The following FNTB variants were observed in gnomAD, a reference collection of about 807,000 sequenced individuals.
The protein encoded by FNTB is protein farnesyltransferase subunit beta.
Under a neutral mutation model 59.4 loss-of-function variants are expected in FNTB, and 27 were observed. The observed-to-expected ratio is 0.45, with a 90% CI of 0.34 to 0.63. The LOEUF is 0.63. FNTB is among the 20% of genes least tolerant of loss of function. FNTB has a pLI of 0.02. For missense variants in FNTB, 449 were observed against 559.6 expected (o/e 0.80, Z 1.99); for synonymous variants, 230 against 220.7 (o/e 1.04, Z -0.37).
At position 65,032,452 on chromosome 14, in the gene FNTB, C is replaced by G; in HGVS notation, c.606-158C>G. 1 of 609,016 alleles carries G rather than the reference C, an allele frequency of 1.6e-6. No individual in the cohort carries two copies. The highest frequency in any genetic ancestry group is 2.5e-5 in the South Asian group (1 of 39,492). 37.7% of individuals were successfully genotyped at this position (609,016 alleles called of 1,614,324 possible). ...TCTATCCAAATAGAATGTCACACCT[C>G]TCAGTTGGAGACCCAGGAGGACTGA... is the stretch of plus-strand genomic sequence containing the variant. On this transcript the variant is annotated intron_variant, in intron 6 of 11. Coordinates refer to ENST00000246166, the MANE Select transcript of FNTB (RefSeq NM_002028.4). The surrounding 1 kb of genome is among the most constrained non-coding windows in gnomAD (Gnocchi z 5.0).
Position 65,029,497 on chromosome 14 carries a change from A to G in FNTB, c.605+1716A>G, listed in dbSNP as rs889843032. Among the ~76,000 whole-genome samples the G allele has an allele frequency of 2.0e-5, 3 of 152,232 alleles. No homozygotes were observed. Among genetic ancestry groups the G allele is most frequent in the Admixed American group, 6.5e-5 (1 of 15,286 alleles). ...GAGATGAGCCTACTCAAGGGTCTGT[A>G]GTTCCAGTGTATTGTAAAAAATCAA... On this transcript the variant is annotated intron_variant, in intron 6 of 11. Transcript: ENST00000246166. The surrounding 1 kb of genome is among the most constrained non-coding windows in gnomAD (Gnocchi z 4.7).
chr14:65,000,775 G>A (rs1426567805), intron 1 of FNTB, among the ~76,000 whole-genome samples: 2 of 128,342 alleles, frequency 1.6e-5, no homozygotes, highest in African/African-American at 3.0e-5. Flanking sequence ...AGCTGAGATC[G>A]CACCACTGCC....
chr14:65,027,394 T>A lies in FNTB; in HGVS notation c.375-59T>A. The A allele has an allele frequency of 6.3e-7, 1 of 1,597,366 alleles. No homozygotes were observed. Among genetic ancestry groups the A allele is most frequent in the South Asian group, 1.1e-5 (1 of 88,484 alleles). ...GAAAGGCCTGGAATCTAGTGGGAAT[T>A]TGGTGTTTTGACATGAATGCTCTCT... On this transcript the variant is annotated intron_variant, in intron 4 of 11. Coordinates refer to ENST00000246166, the MANE Select transcript of FNTB (RefSeq NM_002028.4). This position sits in a 1 kb window ranked among gnomAD's most constrained non-coding sequence, Gnocchi z 5.7.
chr14:65,042,644 C>A (rs2062377993), intron 8 of FNTB, among the ~76,000 whole-genome samples: 1 of 152,212 alleles, frequency 6.6e-6, no homozygotes, highest in Admixed American at 6.5e-5. Context: ...CCAGACTACT[C>A]CCTTCCATTT....
At chr14:65,040,539 C>G (rs1441440537) in intron 7 of FNTB, among the ~76,000 whole-genome samples, 3 of 150,894 alleles carry the variant, frequency 2.0e-5, no homozygotes, top group Non-Finnish European at 4.4e-5. Context: ...CTCCTCGCCT[C>G]AAGTGATCTT....
chr14:64,992,288 A>G (rs1888230552), intron 1 of FNTB, among the ~76,000 whole-genome samples: 1 of 152,240 alleles, frequency 6.6e-6, no homozygotes, highest in Admixed American at 6.5e-5. Context: ...AAATACATGT[A>G]CTTTTAGGTA....
At chr14:64,988,455 T>TC (rs1431800139) in intron 1 of FNTB, among the ~76,000 whole-genome samples, 1 of 150,656 alleles carries the variant, frequency 6.6e-6, no homozygotes, top group Admixed American at 6.6e-5. Context: ...TTTTTTTTTT[T>TC]TTTTTTTTTG....
intron 7 of FNTB, among the ~76,000 whole-genome samples, chr14:65,033,276 T>A (rs1347474572): frequency 1.3e-5 from 2 of 152,234 alleles, no homozygotes; most frequent in Non-Finnish European, 2.9e-5. Flanking sequence ...CACATTTACT[T>A]AAAATTTGAA....
chr14:65,020,489 G>C (rs1595036846), intron 4 of FNTB, among the ~76,000 whole-genome samples: 1 of 152,054 alleles, frequency 6.6e-6, no homozygotes, highest in African/African-American at 2.4e-5. Context: ...GCAGTGGCAC[G>C]ATCTTGGCTC....
rs1175892484 is a variant in FNTB, at chr14:64,997,687, G to C, written c.145-6562G>C. Among the ~76,000 whole-genome samples, 1 of 152,176 alleles carries C rather than the reference G, an allele frequency of 6.6e-6. No individual in the cohort carries two copies. The highest frequency in any genetic ancestry group is 1.5e-5 in the Non-Finnish European group (1 of 68,034). On this transcript the variant is annotated intron_variant, in intron 1 of 11. Coordinates refer to ENST00000246166, the MANE Select transcript of FNTB (RefSeq NM_002028.4). This position sits in a 1 kb window ranked among gnomAD's most constrained non-coding sequence, Gnocchi z 4.5. ...CAACTGAAACAAAGAAGGATGTTGG[G>C]GAGGCCCGGAATGGGGAGGTGACCG... is the stretch of plus-strand genomic sequence containing the variant.
chr14:65,005,497 CTTTCTTTCTTTCTT>C (rs879487310), intron 2 of FNTB, among the ~76,000 whole-genome samples: 1,821 of 136,806 alleles, frequency 0.013, 67 homozygotes, highest in East Asian at 0.13. Context: ...TTCTTTCTTT[CTTTCTTTCTTTCTT>C]TCTCTCTCTC....
intron 4 of FNTB, among the ~76,000 whole-genome samples, chr14:65,018,838 C>T (rs1054211298): frequency 2.7e-5 from 4 of 148,590 alleles, no homozygotes; most frequent in Admixed American, 2.0e-4. Flanking sequence ...AGGCCAGGCG[C>T]GGTGGCTCAC....
chr14:65,004,254 A>C lies in FNTB; in HGVS notation c.150A>C (p.Lys50Asn). 6.2e-7 allele frequency: 1 copy of C among 1,613,646 alleles called. No individual in the cohort carries two copies. Among genetic ancestry groups the C allele is most frequent in the Non-Finnish European group, 8.5e-7 (1 of 1,179,720 alleles). Residue 50 changes from lysine to asparagine, a missense_variant, in exon 2 of 12, where the codon AAA becomes AAC. Coordinates refer to ENST00000246166, the MANE Select transcript of FNTB (RefSeq NM_002028.4). Reference sequence around the variant, plus strand: ...ATCTCCTGCATCCTTACCAGGCAAAAGTAGAAGAAAAGATCCAAGAGGTCT... The same window carrying C: ...ATCTCCTGCATCCTTACCAGGCAAACGTAGAAGAAAAGATCCAAGAGGTCT... ...VETVTSIEQA[K>N]VEEKIQEVFS... is the part of the protein sequence containing the mutation.
chr14:65,027,887 C>A lies in FNTB; in HGVS notation c.605+106C>A. Reference sequence around the variant, plus strand: ...ATCATGGGGAAGCTGCTGCTTTGTCCCAGAATGACACATGGGATGACATGT... The same window carrying A: ...ATCATGGGGAAGCTGCTGCTTTGTCACAGAATGACACATGGGATGACATGT... On this transcript the variant is annotated intron_variant, in intron 6 of 11. Coordinates refer to ENST00000246166, the MANE Select transcript of FNTB (RefSeq NM_002028.4). This position sits in a 1 kb window ranked among gnomAD's most constrained non-coding sequence, Gnocchi z 5.7. The A allele has an allele frequency of 7.0e-7, 1 of 1,433,064 alleles. No homozygotes were observed. The highest frequency in any genetic ancestry group is 9.6e-7 in the Non-Finnish European group (1 of 1,038,974). The allele number at this position is 1,433,064 out of a possible 1,614,324, so 88.8% of individuals were successfully genotyped here.
At chr14:65,049,227 T>C (rs975312620) in intron 9 of FNTB, among the ~76,000 whole-genome samples, 2 of 152,098 alleles carry the variant, frequency 1.3e-5, no homozygotes, top group Non-Finnish European at 2.9e-5. Context: ...AGCAGGCCTG[T>C]GAGTTTCCAC....
At chr14:65,008,621 G>T (rs1033129483) in intron 2 of FNTB, among the ~76,000 whole-genome samples, 1 of 152,242 alleles carries the variant, frequency 6.6e-6, no homozygotes, top group African/African-American at 2.4e-5. Context: ...GTGGAATAGG[G>T]GTGGCTAACT....
chr14:65,030,898 CTG>C lies in FNTB; in HGVS notation c.606-1711_606-1710del, dbSNP rs2062067862. ...TCTTGGCTCACTGCAACCTCTGTCT[CTG>C]GGGTTCAAACGATTCTCCTGCCTCG... is the stretch of plus-strand genomic sequence containing the variant. On this transcript the variant is annotated intron_variant, in intron 6 of 11. Coordinates refer to ENST00000246166, the MANE Select transcript of FNTB (RefSeq NM_002028.4). The surrounding 1 kb of genome is among the most constrained non-coding windows in gnomAD (Gnocchi z 4.5). Among the ~76,000 whole-genome samples, 1 of 152,190 alleles carries C rather than the reference CTG, an allele frequency of 6.6e-6. No homozygotes were observed. Among genetic ancestry groups the C allele is most frequent in the South Asian group, 2.1e-4 (1 of 4,834 alleles).
At chr14:64,999,115 T>A (rs1888508775) in intron 1 of FNTB, among the ~76,000 whole-genome samples, 1 of 152,172 alleles carries the variant, frequency 6.6e-6, no homozygotes, top group Non-Finnish European at 1.5e-5. Flanking sequence ...TATATACAAT[T>A]CCAAACAGGT....
chr14:65,044,551 A>G lies in FNTB; in HGVS notation c.955+108A>G, dbSNP rs538376680. The G allele has an allele frequency of 4.9e-5, 73 of 1,481,786 alleles. No homozygotes were observed. The African/African-American group carries it at 7.1e-4, about 14-fold the overall frequency. The allele number at this position is 1,481,786 out of a possible 1,614,324, so 91.8% of individuals were successfully genotyped here. Reference sequence around the variant, plus strand: ...AGAGGGGTTGAAATGAGCTCTGTCTATCCTGGATTTTGAGTGCCCAGTGTG... The same window carrying G: ...AGAGGGGTTGAAATGAGCTCTGTCTGTCCTGGATTTTGAGTGCCCAGTGTG... On this transcript the variant is annotated intron_variant, in intron 9 of 11. Coordinates refer to ENST00000246166, the MANE Select transcript of FNTB (RefSeq NM_002028.4). The surrounding 1 kb of genome is among the most constrained non-coding windows in gnomAD (Gnocchi z 5.5).
Sources: allele counts gnomAD v4.1 joint callset (sites outside exome capture counted in the v4.1 genomes callset), GRCh38; gene constraint gnomAD v4.1.1; non-coding constraint Gnocchi (gnomAD v3.1); transcripts MANE v1.5; gene names NCBI Gene and HGNC (gene_info 2026-07-23, HGNC 2026-07-21).